Variants in ZNF483 observed in about 807,000 individuals in gnomAD.
The protein encoded by ZNF483 is zinc finger protein 483, also known as zinc finger protein HIT-10.
ZNF483 carries 9 observed loss-of-function variants against 28.6 expected under a neutral mutation model. The observed-to-expected ratio is 0.32, with a 90% CI of 0.19 to 0.55. The LOEUF (loss-of-function observed/expected upper bound fraction) is 0.55. ZNF483 is among the 20% of genes least tolerant of loss of function. The probability of loss-of-function intolerance (pLI) is 0.93; values close to 1 mark genes in which losing one functional copy is unlikely to be tolerated. For missense variants in ZNF483, 675 were observed against 871.7 expected (o/e 0.77, Z 2.84); for synonymous variants, 322 against 306.2 (o/e 1.05, Z -0.54).
At chr9:111,559,829 C>A (rs1032357753), downstream of ZNF483, among the ~76,000 whole-genome samples, 1 of 152,156 alleles carries the variant, frequency 6.6e-6, no homozygotes, top group Non-Finnish European at 1.5e-5. Flanking sequence ...AAAGAGGACA[C>A]GGGCAGTGAC....
At chr9:111,531,747 G>A (rs547408000) in intron 3 of ZNF483, among the ~76,000 whole-genome samples, 6 of 152,220 alleles carry the variant, frequency 3.9e-5, no homozygotes, top group Non-Finnish European at 7.4e-5. Context: ...AGTGGTGCAA[G>A]CATAGCTCAC....
chr9:111,562,066 A>C (rs1828342186), intron 5 of ZNF483, among the ~76,000 whole-genome samples: 1 of 151,972 alleles, frequency 6.6e-6, no homozygotes, highest in Non-Finnish European at 1.5e-5. Flanking sequence ...TTGTATTTTT[A>C]GTAGAGACAG....
rs932434769 is a variant in ZNF483 at position 111,551,061 on chromosome 9, C to T, written c.*7891C>T. On this transcript the variant is annotated 3_prime_UTR_variant, in exon 6 of 6. Coordinates refer to ENST00000309235, the MANE Select transcript of ZNF483 (RefSeq NM_133464.5). ...CCATCCAACAGTAATATAATGTGAG[C>T]CACATACATAATTTCAAATTTTCTA... is the stretch of plus-strand genomic sequence containing the variant. Among the ~76,000 whole-genome samples, 6 of 152,210 alleles carry T rather than the reference C, an allele frequency of 3.9e-5. No individual in the cohort carries two copies. The highest frequency in any genetic ancestry group is 1.2e-4 in the African/African-American group (5 of 41,542).
At chr9:111,562,170 G>A (rs1054143576) in intron 5 of ZNF483, among the ~76,000 whole-genome samples, 1 of 152,124 alleles carries the variant, frequency 6.6e-6, no homozygotes, top group Non-Finnish European at 1.5e-5. Flanking sequence ...ACCGCGCCCG[G>A]CCTATGCTGG....
chr9:111,566,167 C>A (rs904072608), intron 5 of ZNF483, among the ~76,000 whole-genome samples: 4 of 152,118 alleles, frequency 2.6e-5, no homozygotes, highest in Non-Finnish European at 4.4e-5. Flanking sequence ...CGCGCCACTG[C>A]ACTCCAGCCT....
intron 5 of ZNF483, among the ~76,000 whole-genome samples, chr9:111,570,753 T>G (rs560845106): frequency 6.6e-6 from 1 of 152,158 alleles, no homozygotes; most frequent in East Asian, 1.9e-4. Context: ...CACTCCAGTC[T>G]GGGTGACAGA....
exon 6 of ZNF483, chr9:111,577,589 A>G (rs1829115126): frequency 6.6e-6 from 1 of 152,346 alleles, no homozygotes; most frequent in Admixed American, 6.5e-5. Context: ...TCACGCCTGT[A>G]ATCCTAGCAC....
downstream of ZNF483, among the ~76,000 whole-genome samples, chr9:111,558,518 G>T (rs1828187527): frequency 1.3e-5 from 2 of 152,128 alleles, no homozygotes; most frequent in African/African-American, 2.4e-5. Flanking sequence ...CTTAAAAAAA[G>T]AAAACTGAAA....
In ZNF483 at chr9:111,543,878, C is replaced by G. The variant is rs1160145083; in HGVS notation, c.*708C>G. The G allele has an allele frequency of 3.1e-6, 3 of 983,260 alleles. No individual in the cohort carries two copies. The highest frequency in any genetic ancestry group is 3.6e-6 in the Non-Finnish European group (3 of 828,614). The allele number at this position is 983,260 out of a possible 1,614,324, so 60.9% of individuals were successfully genotyped here. On this transcript the variant is annotated 3_prime_UTR_variant, in exon 6 of 6. Coordinates refer to ENST00000309235, the MANE Select transcript of ZNF483 (RefSeq NM_133464.5). ...CAAGTGATCCTTCCATCTCACTTTC[C>G]TGAGTAGCTGACATTACGGGTACAC...
intron 5 of ZNF483, among the ~76,000 whole-genome samples, chr9:111,535,951 A>G (rs1827488392): frequency 1.4e-5 from 2 of 140,478 alleles, no homozygotes; most frequent in African/African-American, 2.7e-5. Context: ...CAGTGCCGTG[A>G]TCTTGGCTCA....
In ZNF483 at chr9:111,543,003, C is replaced by T; in HGVS notation, c.2068C>T (p.Pro690Ser). 6.2e-7 allele frequency: 1 copy of T among 1,614,168 alleles called. No homozygotes were observed. Among genetic ancestry groups the T allele is most frequent in the Non-Finnish European group, 8.5e-7 (1 of 1,180,022 alleles). Reference sequence around the variant, plus strand: ...CCACCGAATTCATACAGGAGAGAAACCCTATGAGTGTAACTATTGTGGTGC... The same window carrying T: ...CCACCGAATTCATACAGGAGAGAAATCCTATGAGTGTAACTATTGTGGTGC... ...EHHRIHTGEKPYECNYCGATF... is the reference protein window; with the variant it reads ...EHHRIHTGEKSYECNYCGATF... Residue 690 changes from proline (P) to serine (S), a missense_variant, in exon 6 of 6, where the codon CCC (proline) becomes TCC (serine). By Grantham distance (74) the Pro-to-Ser change is moderately conservative. Transcript: ENST00000309235.
intron 2 of ZNF483, among the ~76,000 whole-genome samples, chr9:111,530,666 A>T (rs1289168187): frequency 6.8e-6 from 1 of 147,494 alleles, no homozygotes; most frequent in East Asian, 2.0e-4. Flanking sequence ...TGGGGGAAAC[A>T]CCCCCACATA....
chr9:111,555,337 A>C lies in ZNF483; in HGVS notation c.*12167A>C, dbSNP rs1055770635. On this transcript the variant is annotated 3_prime_UTR_variant, in exon 6 of 6. Coordinates refer to ENST00000309235, the MANE Select transcript of ZNF483 (RefSeq NM_133464.5). ...TTCTGTGCACATTTTCAAACTCTTT[A>C]GCCTCTGATTTTCTCCCTACTTCCA... is the stretch of plus-strand genomic sequence containing the variant. Among the ~76,000 whole-genome samples the C allele has an allele frequency of 6.6e-6, 1 of 152,152 alleles. No homozygotes were observed. The highest frequency in any genetic ancestry group is 1.5e-5 in the Non-Finnish European group (1 of 68,018).
chr9:111,525,619 G>T (rs543151561), intron 1 of ZNF483, among the ~76,000 whole-genome samples: 1 of 152,284 alleles, frequency 6.6e-6, no homozygotes, highest in Non-Finnish European at 1.5e-5. Flanking sequence ...AACCAAAAAT[G>T]TGTCCAGACA....
At position 111,543,407 on chromosome 9, in the gene ZNF483, C is replaced by A; in HGVS notation, c.*237C>A. 5.6e-6 allele frequency: 7 copies of A among 1,257,730 alleles called. No homozygotes were observed. Among genetic ancestry groups the A allele is most frequent in the East Asian group, 3.5e-5 (1 of 28,660 alleles). The allele number at this position is 1,257,730 out of a possible 1,614,324, so 77.9% of individuals were successfully genotyped here. A position where few individuals can be genotyped will look rare whatever the true frequency, so the allele number is the denominator to read the frequency against. ...AATGCAAAATGATTCTGAGGCCAGA[C>A]GAATTGGAAAAGCTCTTTTCTTCAG... On this transcript the variant is annotated 3_prime_UTR_variant, in exon 6 of 6. Transcript: ENST00000309235.
chr9:111,558,191 A>G (rs1418244502), downstream of ZNF483, among the ~76,000 whole-genome samples: 1 of 152,168 alleles, frequency 6.6e-6, no homozygotes, highest in East Asian at 1.9e-4. Context: ...TCAAGTTTTC[A>G]GTGTATTCAG....
intron 1 of ZNF483, among the ~76,000 whole-genome samples, chr9:111,527,045 T>C (rs1827199802): frequency 6.6e-6 from 1 of 151,708 alleles, no homozygotes; most frequent in African/African-American, 2.4e-5. Context: ...GAGGTTGCAG[T>C]GAGCCGAGAT....
At chr9:111,558,483 G>A (rs778007278), downstream of ZNF483, among the ~76,000 whole-genome samples, 1 of 152,132 alleles carries the variant, frequency 6.6e-6, no homozygotes, top group Non-Finnish European at 1.5e-5. Flanking sequence ...TTTGAAGTCA[G>A]CCTGGACAAC....
Position 111,527,541 on chromosome 9 carries a change from A to T in ZNF483, c.146A>T (p.Glu49Val). Residue 49 changes from glutamate to valine, a missense_variant, in exon 2 of 6, where the codon GAG becomes GTG. Coordinates refer to ENST00000309235, the MANE Select transcript of ZNF483 (RefSeq NM_133464.5). ...AILRGNAADA[E>V]SFRQRFRWFC... is the part of the protein sequence containing the mutation. ...TTAAGAGGAAATGCTGCTGATGCAG[A>T]GTCTTTCAGACAGAGGTTTAGGTGG... is the stretch of plus-strand genomic sequence containing the variant. 2 of 1,614,268 alleles carry T rather than the reference A, an allele frequency of 1.2e-6. No homozygotes were observed. Among genetic ancestry groups the T allele is most frequent in the Non-Finnish European group, 1.7e-6 (2 of 1,180,052 alleles).
Sources: gnomAD v4.1 joint callset for allele counts (sites outside exome capture counted in the v4.1 genomes callset) on GRCh38, gnomAD v4.1.1 for gene constraint, MANE v1.5 for transcripts, NCBI Gene and HGNC (gene_info 2026-07-23, HGNC 2026-07-21) for gene names.